Variants in ACSM3 observed in about 807,000 individuals in gnomAD.
ACSM3 encodes the protein acyl-coenzyme A synthetase ACSM3, mitochondrial.
In ACSM3, 61 loss-of-function variants were observed where a neutral mutation model predicts 74.1. The ratio of observed to expected loss-of-function variants is 0.82; its 90% CI spans 0.67 to 1.02. ACSM3 has a LOEUF of 1.02. Ranked by LOEUF, ACSM3 falls within the 50% of genes least tolerant of loss-of-function variation. The pLI is 0.00. For missense variants in ACSM3, 660 were observed against 697.0 expected (o/e 0.95, Z 0.60); for synonymous variants, 213 against 241.5 (o/e 0.88, Z 1.09).
intron 7 of ACSM3, among the ~76,000 whole-genome samples, chr16:20,782,468 C>G (rs1388336982): frequency 6.6e-6 from 1 of 152,154 alleles, no homozygotes; most frequent in African/African-American, 2.4e-5. Context: ...TAACTCAACT[C>G]CCAGCAACCA....
chr16:20,774,767 A>G (rs527247569), intron 2 of ACSM3, among the ~76,000 whole-genome samples: 1 of 152,280 alleles, frequency 6.6e-6, no homozygotes, highest in African/African-American at 2.4e-5. Flanking sequence ...GGCTCCCAGG[A>G]AGTGTGCATG....
intron 1 of ACSM3, among the ~76,000 whole-genome samples, chr16:20,726,123 A>C (rs2079804929): frequency 6.6e-6 from 1 of 152,154 alleles, no homozygotes; most frequent in South Asian, 2.1e-4. Context: ...CCCCCTCAAA[A>C]AATTTATCCT....
In ACSM3 at chr16:20,776,024, T is replaced by C. The variant is rs2080251952; in HGVS notation, c.405T>C (p.Leu135=). The C allele has an allele frequency of 6.2e-7, 1 of 1,614,086 alleles. No homozygotes were observed. The highest frequency in any genetic ancestry group is 1.3e-5 in the African/African-American group (1 of 74,928). Residue 135 remains leucine, a synonymous_variant, in exon 3 of 14, where the codon CTT becomes CTC. Transcript: ENST00000289416. The part of the protein sequence containing the change: ...LILPRVPEWW[L]ANVACLRTGT... ...TGCCCAGGGTCCCAGAGTGGTGGCTTGCAAATGTGGCCTGTCTGCGAACAG... is the reference window on the plus strand; with the variant it reads ...TGCCCAGGGTCCCAGAGTGGTGGCTCGCAAATGTGGCCTGTCTGCGAACAG...
chr16:20,680,528 T>G (rs1596941370), intron 1 of ACSM3: 1 of 152,224 alleles, frequency 6.6e-6, no homozygotes, highest in Non-Finnish European at 1.5e-5. Flanking sequence ...CAAGATAACT[T>G]CACTTCGCTT....
Position 20,770,076 on chromosome 16 carries a change from G to A in ACSM3, c.42G>A (p.Lys14=). ...RVTRKMLRHA[K]CFQRLAIFGS... is the part of the protein sequence containing the mutation. Reference sequence around the variant, plus strand: ...CCAGGAAGATGCTACGTCATGCCAAGTGTTTTCAGCGCCTAGCAATTTTTG... The same window carrying A: ...CCAGGAAGATGCTACGTCATGCCAAATGTTTTCAGCGCCTAGCAATTTTTG... Residue 14 remains lysine (K), a synonymous_variant, in exon 2 of 14, where the codon AAG becomes AAA. Coordinates refer to ENST00000289416, the MANE Select transcript of ACSM3 (RefSeq NM_005622.4). The A allele has an allele frequency of 6.2e-7, 1 of 1,614,178 alleles. No homozygotes were observed. The highest frequency in any genetic ancestry group is 8.5e-7 in the Non-Finnish European group (1 of 1,180,026).
chr16:20,773,226 T>G (rs1481116649), intron 2 of ACSM3, among the ~76,000 whole-genome samples: 2 of 152,176 alleles, frequency 1.3e-5, no homozygotes, highest in Non-Finnish European at 2.9e-5. Context: ...ATGTCTCCTT[T>G]TTCATTTCTG....
intron 1 of ACSM3, among the ~76,000 whole-genome samples, chr16:20,676,415 T>C (rs1363112815): frequency 1.3e-5 from 2 of 152,212 alleles, no homozygotes; most frequent in Non-Finnish European, 2.9e-5. Flanking sequence ...AAAGACTTTT[T>C]GAGGCATTTT....
chr16:20,691,623 T>C (rs1050775353), intron 1 of ACSM3, among the ~76,000 whole-genome samples: 5 of 152,096 alleles, frequency 3.3e-5, no homozygotes, highest in East Asian at 1.9e-4. Context: ...CCAAATCATG[T>C]TGTTGCCATG....
chr16:20,679,411 C>T (rs73530574), intron 1 of ACSM3: 1 of 152,196 alleles, frequency 6.6e-6, no homozygotes, highest in Non-Finnish European at 1.5e-5. Context: ...GCTGACTAGT[C>T]TACACACAGC....
chr16:20,716,094 G>C (rs905183761), intron 1 of ACSM3, among the ~76,000 whole-genome samples: 3 of 152,158 alleles, frequency 2.0e-5, no homozygotes, highest in Non-Finnish European at 4.4e-5. Flanking sequence ...CCTAGGCTGA[G>C]AAGTTCCAGA....
intron 1 of ACSM3, chr16:20,738,130 G>A (rs961540978): frequency 7.0e-6 from 5 of 717,744 alleles, no homozygotes; most frequent in Admixed American, 4.1e-5. Flanking sequence ...TGCCTAATAC[G>A]TACTATAATG....
Position 20,737,125 on chromosome 16 carries a change from C to G in ACSM3, c.-189-12785C>G, listed in dbSNP as rs748647562. 5.0e-6 allele frequency: 8 copies of G among 1,614,206 alleles called. No homozygotes were observed. The highest frequency in any genetic ancestry group is 6.8e-6 in the Non-Finnish European group (8 of 1,180,040). On this transcript the variant is annotated intron_variant, in intron 1 of 3. Transcript: ENST00000561584. ...TGCTTTGAGTTAAGCTGTGACGGAT[C>G]CTTAGGGCTCTTCACCACCTCCTGG... is the stretch of plus-strand genomic sequence containing the variant.
intron 1 of ACSM3, among the ~76,000 whole-genome samples, chr16:20,740,339 G>T (rs929368893): frequency 6.6e-6 from 1 of 152,208 alleles, no homozygotes; most frequent in South Asian, 2.1e-4. Context: ...AAGTTGCAGT[G>T]AGCAAGAGCA....
In ACSM3 at chr16:20,728,404, G is replaced by A. The variant is rs28705135; in HGVS notation, c.-189-21506G>A. 10,608 of 1,439,116 alleles carry A rather than the reference G, an allele frequency of 7.4e-3. 779 individuals carry two copies. The African/African-American group carries it at 0.14, about 19-fold the overall frequency. The allele number at this position is 1,439,116 out of a possible 1,614,324, so 89.1% of individuals were successfully genotyped here. On this transcript the variant is annotated intron_variant, in intron 1 of 3. Transcript: ENST00000561584. ...TCATTCTAGATTATAGATGAAAATGGCAATGTTCTACCACCTGGCAAAGAA... is the reference window on the plus strand; with the variant it reads ...TCATTCTAGATTATAGATGAAAATGACAATGTTCTACCACCTGGCAAAGAA...
chr16:20,711,647 G>C, intron 1 of ACSM3: 2 of 795,224 alleles, frequency 2.5e-6, no homozygotes, highest in Non-Finnish European at 4.1e-6. Flanking sequence ...CCACAAAGCC[G>C]GAACAGGTGG....
chr16:20,719,675 A>G (rs1805003924), intron 1 of ACSM3, among the ~76,000 whole-genome samples: 1 of 152,250 alleles, frequency 6.6e-6, no homozygotes, highest in African/African-American at 2.4e-5. Flanking sequence ...CTGGTTCTAA[A>G]TAACAGATTA....
At chr16:20,687,184 G>C (rs1240545148) in intron 1 of ACSM3, among the ~76,000 whole-genome samples, 1 of 151,982 alleles carries the variant, frequency 6.6e-6, no homozygotes, top group African/African-American at 2.4e-5. Flanking sequence ...TAGAAACCAT[G>C]GCATAATTTG....
chr16:20,731,754 C>A, intron 1 of ACSM3: 2 of 332,610 alleles, frequency 6.0e-6, no homozygotes, highest in Non-Finnish European at 5.4e-6. Context: ...GTATTTTGTC[C>A]AAAAGTTAAG....
At chr16:20,729,329 A>G in intron 1 of ACSM3, 1 of 1,458,800 alleles carries the variant, frequency 6.9e-7, no homozygotes, top group Non-Finnish European at 9.6e-7. Flanking sequence ...GTTTGTCGGC[A>G]GAGCTGATGA....
Sources: gnomAD v4.1 joint callset for allele counts (sites outside exome capture counted in the v4.1 genomes callset) on GRCh38, gnomAD v4.1.1 for gene constraint, MANE v1.5 for transcripts, NCBI Gene and HGNC (gene_info 2026-07-23, HGNC 2026-07-21) for gene names.